The following PPP1R13L variants were observed in gnomAD, a reference collection of about 807,000 sequenced individuals.
The protein encoded by PPP1R13L is protein phosphatase 1 regulatory subunit 13 like.
PPP1R13L carries 50 observed loss-of-function variants against 80.9 expected under a neutral mutation model. That is an observed-to-expected ratio of 0.62 (90% CI 0.49 to 0.78). The LOEUF is 0.78. Among genes scored for constraint, PPP1R13L ranks in the 30% least tolerant of loss-of-function variants. PPP1R13L has a pLI of 0.00. For missense variants in PPP1R13L, 1,200 were observed against 1,205.9 expected (o/e 1.00, Z 0.07); for synonymous variants, 602 against 534.3 (o/e 1.13, Z -1.75).
Position 45,396,870 on chromosome 19 carries a change from C to G in PPP1R13L, c.387G>C (p.Pro129=), listed in dbSNP as rs370324428. ...SSPRTPLYLQ[P]DAYGSLDRAT... is the part of the protein sequence containing the mutation. ...CGCGGTCCAGGCTGCCGTAGGCGTCCGGCTGCAGGTAGAGCGGGGTGCGCG... is the reference window on the plus strand; with the variant it reads ...CGCGGTCCAGGCTGCCGTAGGCGTCGGGCTGCAGGTAGAGCGGGGTGCGCG... Residue 129 remains proline (P), a synonymous_variant, in exon 4 of 13, where the codon CCG becomes CCC. Transcript: ENST00000360957. The surrounding 1 kb of genome is among the most constrained non-coding windows in gnomAD (Gnocchi z 5.3). 20 of 1,530,934 alleles carry G rather than the reference C, an allele frequency of 1.3e-5. No individual in the cohort carries two copies. The African/African-American group carries it at 2.6e-4, about 20-fold the overall frequency. 94.8% of individuals were successfully genotyped at this position (1,530,934 alleles called of 1,614,324 possible).
Position 45,398,041 on chromosome 19 carries a change from G to C in PPP1R13L, c.162C>G (p.Pro54=). 1 of 1,613,904 alleles carries C rather than the reference G, an allele frequency of 6.2e-7. No homozygotes were observed. Among genetic ancestry groups the C allele is most frequent in the Non-Finnish European group, 8.5e-7 (1 of 1,179,860 alleles). ...KQLESLWSDS[P]APPGPQAGPP... Reference sequence around the variant, plus strand: ...GTCCGGCCTGCGGGCCAGGAGGCGCGGGAGAGTCTGACCACAGCGACTCCA... The same window carrying C: ...GTCCGGCCTGCGGGCCAGGAGGCGCCGGAGAGTCTGACCACAGCGACTCCA... Residue 54 remains proline (P), a synonymous_variant, in exon 3 of 13, where the codon CCC becomes CCG. Coordinates refer to ENST00000360957, the MANE Select transcript of PPP1R13L (RefSeq NM_006663.4).
At chr19:45,399,390 CAAG>C (rs1973184174) in intron 1 of PPP1R13L, among the ~76,000 whole-genome samples, 3 of 149,738 alleles carry the variant, frequency 2.0e-5, no homozygotes, top group African/African-American at 7.3e-5. Flanking sequence ...TTTGGGAGGC[CAAG>C]GAGGGCGGAT....
Position 45,382,721 on chromosome 19 carries a change from C to G in PPP1R13L, c.2254G>C (p.Glu752Gln), listed in dbSNP as rs61324211. Residue 752 changes from glutamate to glutamine, a missense_variant, in exon 12 of 13, where the codon GAG becomes CAG. Coordinates refer to ENST00000360957, the MANE Select transcript of PPP1R13L (RefSeq NM_006663.4). ...ADCATYLADV[E>Q]QSMGLMNSGA... is the part of the protein sequence containing the mutation. Reference sequence around the variant, plus strand: ...CTGTTCATCAGCCCCATACTCTGCTCGACGTCTGAAACATGCCACGGAGGG... The same window carrying G: ...CTGTTCATCAGCCCCATACTCTGCTGGACGTCTGAAACATGCCACGGAGGG... 2 of 1,613,970 alleles carry G rather than the reference C, an allele frequency of 1.2e-6. No homozygotes were observed. Among genetic ancestry groups the G allele is most frequent in the South Asian group, 1.1e-5 (1 of 91,084 alleles).
At chr19:45,395,316 G>C (rs1200216540) in intron 7 of PPP1R13L, 120 bp downstream of exon 7, 1 of 1,349,184 alleles carries the variant, frequency 7.4e-7, no homozygotes, top group Non-Finnish European at 1.0e-6. Flanking sequence ...GCTCTCTGCA[G>C]GGACAGTGCT....
At chr19:45,395,236 C>T (rs1379725282) in intron 7 of PPP1R13L, 200 bp downstream of exon 7, 1 of 681,324 alleles carries the variant, frequency 1.5e-6, no homozygotes, top group Non-Finnish European at 2.5e-6. Flanking sequence ...GGCAGTCTGG[C>T]TTCAGGGTCC....
intron 1 of PPP1R13L, among the ~76,000 whole-genome samples, chr19:45,400,108 G>A (rs961817424): frequency 2.6e-4 from 40 of 151,914 alleles, no homozygotes; most frequent in African/African-American, 7.0e-4. Context: ...GGTAGTAATC[G>A]GTTTCACACC....
Position 45,396,690 on chromosome 19 carries a change from C to A in PPP1R13L, c.567G>T (p.Leu189=). ...GRAGSPRGSP[L]AEGPQAFFPE... is the part of the protein sequence containing the mutation. ...GGAAGAAGGCCTGGGGCCCCTCCGC[C>A]AGGGGGCTGCCGCGGGGGGAGCCTG... Residue 189 remains leucine (L), a synonymous_variant, in exon 4 of 13, where the codon CTG becomes CTT. Coordinates refer to ENST00000360957, the MANE Select transcript of PPP1R13L (RefSeq NM_006663.4). The surrounding 1 kb of genome is among the most constrained non-coding windows in gnomAD (Gnocchi z 5.3). 2 of 1,417,188 alleles carry A rather than the reference C, an allele frequency of 1.4e-6. No homozygotes were observed. Among genetic ancestry groups the A allele is most frequent in the East Asian group, 2.7e-5 (1 of 37,184 alleles). 87.8% of individuals were successfully genotyped at this position (1,417,188 alleles called of 1,614,324 possible). A position where few individuals can be genotyped will look rare whatever the true frequency, so the allele number is the denominator to read the frequency against.
chr19:45,403,277 A>T (rs1394391831), intron 1 of PPP1R13L, among the ~76,000 whole-genome samples: 1 of 152,196 alleles, frequency 6.6e-6, no homozygotes, highest in Non-Finnish European at 1.5e-5. Flanking sequence ...CTGGCAACAG[A>T]GTGAGGGGTC....
At position 45,379,962 on chromosome 19, in the gene PPP1R13L, G is replaced by T. The variant is rs546365210; in HGVS notation, c.*228C>A. Reference sequence around the variant, plus strand: ...AAAAGGAAGTGGTTTCCTGTCCCCAGTGATTTCCAGCCCTTCCCAGACCTC... The same window carrying T: ...AAAAGGAAGTGGTTTCCTGTCCCCATTGATTTCCAGCCCTTCCCAGACCTC... On this transcript the variant is annotated 3_prime_UTR_variant, in exon 13 of 13. Coordinates refer to ENST00000360957, the MANE Select transcript of PPP1R13L (RefSeq NM_006663.4). 2.1e-6 allele frequency: 1 copy of T among 465,714 alleles called. No individual in the cohort carries two copies. Among genetic ancestry groups the T allele is most frequent in the African/African-American group, 2.0e-5 (1 of 50,046 alleles). The allele number at this position is 465,714 out of a possible 1,614,324, so 28.8% of individuals were successfully genotyped here.
intron 7 of PPP1R13L, 77 bp from the exon 8 acceptor site, chr19:45,392,417 A>G: frequency 7.0e-7 from 1 of 1,420,182 alleles, no homozygotes; most frequent in South Asian, 1.2e-5. Context: ...CTTCCAGGGC[A>G]TACAACCAGC....
chr19:45,388,346 C>T (rs1972908293), intron 8 of PPP1R13L, among the ~76,000 whole-genome samples: 1 of 152,018 alleles, frequency 6.6e-6, no homozygotes, highest in Admixed American at 6.6e-5. Context: ...TAAATCTCAG[C>T]TGGGCACAGT....
At position 45,382,661 on chromosome 19, in the gene PPP1R13L, C is replaced by T. The variant is rs771917685; in HGVS notation, c.2314G>A (p.Glu772Lys). The T allele has an allele frequency of 6.2e-7, 1 of 1,613,876 alleles. No individual in the cohort carries two copies. The highest frequency in any genetic ancestry group is 1.3e-5 in the African/African-American group (1 of 74,958). ...AVYALWDYSA[E>K]FGDELSFREG... ...CGGAAGGACAGCTCGTCCCCGAACT[C>T]GGCGCTGTAGTCCCAGAGAGCGTAC... Residue 772 changes from glutamate (E) to lysine (K), a missense_variant, in exon 12 of 13, where the codon GAG (glutamate) becomes AAG (lysine). Around this residue, in one of 5 missense-constraint regions of PPP1R13L, gnomAD observed 165 missense variants for 177.1 expected, o/e 0.93. Coordinates refer to ENST00000360957, the MANE Select transcript of PPP1R13L (RefSeq NM_006663.4).
chr19:45,398,960 T>C (rs568330736), intron 1 of PPP1R13L, among the ~76,000 whole-genome samples: 38 of 146,294 alleles, frequency 2.6e-4, no homozygotes, highest in African/African-American at 9.3e-4. Context: ...TTGTTTGTTT[T>C]TGAGATGGTG....
chr19:45,396,549 C>G lies in PPP1R13L; in HGVS notation c.708G>C (p.Ala236=). The G allele has an allele frequency of 1.9e-6, 3 of 1,551,504 alleles. No individual in the cohort carries two copies. The highest frequency in any genetic ancestry group is 2.7e-5 in the African/African-American group (2 of 73,048). ...GCGAGGGGCCCCTGGGTTCACCTTG[C>G]GCGCGCAGAGGCGGGGCGAATGCGC... ...GGSAFAPPLR[A]QDDLTLRRRP... is the part of the protein sequence containing the mutation. The change falls in exon 4 of 13, where the codon GCG becomes GCC. Residue 236 remains alanine, a synonymous_variant. Transcript: ENST00000360957. This position sits in a 1 kb window ranked among gnomAD's most constrained non-coding sequence, Gnocchi z 5.3.
At position 45,395,636 on chromosome 19, in the gene PPP1R13L, T is replaced by C. The variant is rs1049386503; in HGVS notation, c.1154A>G (p.His385Arg). 5.0e-5 allele frequency: 72 copies of C among 1,440,438 alleles called. No individual in the cohort carries two copies. The highest frequency in any genetic ancestry group is 6.4e-5 in the Non-Finnish European group (70 of 1,099,624). 89.2% of individuals were successfully genotyped at this position (1,440,438 alleles called of 1,614,324 possible). The change falls in exon 7 of 13, where the codon CAC (histidine) becomes CGC (arginine). Residue 385 changes from histidine (H) to arginine (R), a missense_variant. His to Arg is a conservative substitution (Grantham distance 29, BLOSUM62 0). This residue lies in a region of PPP1R13L where 764 missense variants were observed against 714.5 expected (regional missense o/e 1.07). Transcript: ENST00000360957. ...IFKLQNAFWEHGASRAMLPGS... is the reference protein window; with the variant it reads ...IFKLQNAFWERGASRAMLPGS... ...AGGGAGCATGGCGCGGCTGGCCCCG[T>C]GCTCCCAGAAGGCGTTCTGCAGCTT...
At chr19:45,402,518 C>T (rs1281242955) in intron 1 of PPP1R13L, among the ~76,000 whole-genome samples, 1 of 152,226 alleles carries the variant, frequency 6.6e-6, no homozygotes, top group Non-Finnish European at 1.5e-5. Context: ...CACGCCCGGA[C>T]CCCCGCCAGG....
Position 45,396,426 on chromosome 19 carries a change from C to T in PPP1R13L, c.723G>A (p.Thr241=). Residue 241 remains threonine (T), a synonymous_variant, in exon 5 of 13, where the codon ACG becomes ACA. Transcript: ENST00000360957. This position sits in a 1 kb window ranked among gnomAD's most constrained non-coding sequence, Gnocchi z 5.3. ...APPLRAQDDL[T]LRRRPPKAWN... ...AGGCTTTCGGAGGCCGCCGGCGCAG[C>T]GTCAGGTCGTCTGGGGAGAAGTTTC... 1 of 1,614,034 alleles carries T rather than the reference C, an allele frequency of 6.2e-7. No homozygotes were observed. The highest frequency in any genetic ancestry group is 1.1e-5 in the South Asian group (1 of 91,084).
At chr19:45,405,345 C>T (rs917666575), upstream of PPP1R13L, among the ~76,000 whole-genome samples, 1 of 152,212 alleles carries the variant, frequency 6.6e-6, no homozygotes, top group African/African-American at 2.4e-5. Flanking sequence ...CTCCTGAGCC[C>T]TTGCCCCACC....
chr19:45,383,192 C>T (rs1320092599), intron 11 of PPP1R13L, among the ~76,000 whole-genome samples: 1 of 150,810 alleles, frequency 6.6e-6, no homozygotes. Context: ...GTCAGGGTTT[C>T]ACCGTGTTAG....
Sources: allele counts gnomAD v4.1 joint callset (sites outside exome capture counted in the v4.1 genomes callset), GRCh38; gene constraint gnomAD v4.1.1; regional missense constraint gnomAD v4.1.1; non-coding constraint Gnocchi (gnomAD v3.1); transcripts MANE v1.5; gene names NCBI Gene and HGNC (gene_info 2026-07-23, HGNC 2026-07-21).